The following LGR6 variants were observed in gnomAD, a reference collection of about 807,000 sequenced individuals.
LGR6 encodes leucine rich repeat containing G protein-coupled receptor 6.
LGR6 carries 45 observed loss-of-function variants against 69.4 expected under a neutral mutation model. The observed-to-expected ratio is 0.65, with a 90% CI of 0.51 to 0.83. The LOEUF (loss-of-function observed/expected upper bound fraction) is 0.83. Among genes scored for constraint, LGR6 ranks in the 40% least tolerant of loss-of-function variants. The pLI is 0.00. For missense variants in LGR6, 1,108 were observed against 1,246.7 expected (o/e 0.89, Z 1.68); for synonymous variants, 538 against 555.0 (o/e 0.97, Z 0.43).
At position 202,319,173 on chromosome 1, in the gene LGR6, A is replaced by G. The variant is rs144509913; in HGVS notation, c.2870A>G (p.Gln957Arg). The G allele has an allele frequency of 3.1e-6, 5 of 1,611,990 alleles. No homozygotes were observed. The African/African-American group carries it at 5.3e-5, about 17-fold the overall frequency. ...GGGLSGGGGF[Q>R]PSGLAFASHV ...GGCTTGTCAGGGGGTGGCGGCTTTC[A>G]GCCCTCTGGCTTGGCCTTTGCTTCA... Residue 957 changes from glutamine (Q) to arginine (R), a missense_variant, in exon 18 of 18, where the codon CAG (glutamine) becomes CGG (arginine). Physicochemically the swap from Gln to Arg is conservative, Grantham distance 43. Transcript: ENST00000367278.
At chr1:202,297,284 C>G (rs373702504) in intron 6 of LGR6, among the ~76,000 whole-genome samples, 2 of 152,346 alleles carry the variant, frequency 1.3e-5, no homozygotes, top group East Asian at 3.9e-4. Flanking sequence ...TGTCTCCCCC[C>G]TCAGAACAGT....
At chr1:202,245,351 T>C (rs1472710800) in intron 4 of LGR6, among the ~76,000 whole-genome samples, 1 of 152,030 alleles carries the variant, frequency 6.6e-6, no homozygotes, top group Admixed American at 6.5e-5. Flanking sequence ...GGTCTGAACA[T>C]GGGTAATTTG....
In LGR6 at chr1:202,318,614, A is replaced by G. The variant is rs1572035128; in HGVS notation, c.2311A>G (p.Met771Val). 4.3e-6 allele frequency: 7 copies of G among 1,613,980 alleles called. No homozygotes were observed. The South Asian group carries it at 4.4e-5, about 10-fold the overall frequency. Residue 771 changes from methionine (M) to valine (V), a missense_variant, in exon 18 of 18, where the codon ATG becomes GTG. Transcript: ENST00000367278. Reference sequence around the variant, plus strand: ...CTTTGAGGCCGTGTGGGACTGCGCCATGGTGAGGCACGTGGCCTGGCTCAT... The same window carrying G: ...CTTTGAGGCCGTGTGGGACTGCGCCGTGGTGAGGCACGTGGCCTGGCTCAT... ...GDFEAVWDCA[M>V]VRHVAWLIFA...
At chr1:202,230,672 G>A (rs1415576479) in intron 3 of LGR6, among the ~76,000 whole-genome samples, 4 of 152,226 alleles carry the variant, frequency 2.6e-5, no homozygotes, top group African/African-American at 9.6e-5. Context: ...GGCTTCTCCA[G>A]TCTTTATCTC....
intron 6 of LGR6, chr1:202,281,162 T>G (rs1363196974): frequency 5.7e-6 from 2 of 352,518 alleles, no homozygotes; most frequent in African/African-American, 4.3e-5. Context: ...AAATGGGAAC[T>G]GCAAGAAGCT....
intron 4 of LGR6, among the ~76,000 whole-genome samples, chr1:202,238,580 C>T (rs750261652): frequency 2.8e-4 from 42 of 151,864 alleles, no homozygotes; most frequent in African/African-American, 9.4e-4. Context: ...TGGGCTACCA[C>T]GCCCGTCTAA....
In LGR6 at chr1:202,310,425, T is replaced by TG; in HGVS notation, c.1567+73dup. On this transcript the variant is annotated intron_variant, in intron 16 of 17. Transcript: ENST00000367278. ...TGGAGAGGAAGTTAGAGGGGATGCTTGGGGGACCTGAGAGGGAATCTGACA... is the reference window on the plus strand; with the variant it reads ...TGGAGAGGAAGTTAGAGGGGATGCTTGGGGGGACCTGAGAGGGAATCTGACA... 3.4e-6 allele frequency: 5 copies of TG among 1,481,346 alleles called. No homozygotes were observed. In the South Asian group the frequency reaches 6.0e-5, roughly 18 times the overall value. The allele number at this position is 1,481,346 out of a possible 1,614,324, so 91.8% of individuals were successfully genotyped here.
intron 1 of LGR6, among the ~76,000 whole-genome samples, chr1:202,202,787 C>T (rs1658883173): frequency 6.6e-6 from 1 of 152,212 alleles, no homozygotes; most frequent in Non-Finnish European, 1.5e-5. Flanking sequence ...GAATGAGACC[C>T]AGAGGGTCGG....
intron 1 of LGR6, among the ~76,000 whole-genome samples, chr1:202,206,104 G>C (rs1017078173): frequency 6.6e-6 from 1 of 152,276 alleles, no homozygotes; most frequent in African/African-American, 2.4e-5. Flanking sequence ...GGGCAACCCA[G>C]GGTTGGGAGT....
chr1:202,234,632 T>C (rs1469434138), intron 3 of LGR6, among the ~76,000 whole-genome samples: 1 of 152,200 alleles, frequency 6.6e-6, no homozygotes, highest in African/African-American at 2.4e-5. Flanking sequence ...CTCTGTCAGT[T>C]AGCAGTTGTG....
intron 1 of LGR6, among the ~76,000 whole-genome samples, chr1:202,208,497 T>C (rs1659340863): frequency 6.6e-6 from 1 of 151,906 alleles, no homozygotes; most frequent in Non-Finnish European, 1.5e-5. Context: ...TTTGCAGTGT[T>C]CACTCCGTGA....
At chr1:202,204,449 ACACACACACACCTC>A (rs1658977719) in intron 1 of LGR6, among the ~76,000 whole-genome samples, 2 of 34,046 alleles carry the variant, frequency 5.9e-5, no homozygotes, top group African/African-American at 1.8e-4. Context: ...ACACACCTCC[ACACACACACACCTC>A]CACACACACA....
intron 1 of LGR6, among the ~76,000 whole-genome samples, chr1:202,205,900 A>AAC (rs200390727): frequency 6.5e-5 from 9 of 137,582 alleles, no homozygotes; most frequent in South Asian, 2.4e-4. Flanking sequence ...ACACACACCT[A>AAC]ACACACACAC....
chr1:202,220,143 G>A (rs535269285), intron 1 of LGR6, among the ~76,000 whole-genome samples: 67 of 152,036 alleles, frequency 4.4e-4, no homozygotes, highest in Non-Finnish European at 7.1e-4. Flanking sequence ...GCCTCTCAAC[G>A]TGCTGGGATT....
In LGR6 at chr1:202,307,049, A is replaced by T. The variant is rs570377909; in HGVS notation, c.1208+110A>T. Reference sequence around the variant, plus strand: ...CAATTTAAGCAAATGTGACATGCACATCGCCTCCCAGCTCCACAGCCCCCA... The same window carrying T: ...CAATTTAAGCAAATGTGACATGCACTTCGCCTCCCAGCTCCACAGCCCCCA... On this transcript the variant is annotated intron_variant, in intron 13 of 17. Transcript: ENST00000367278. 4.3e-6 allele frequency: 4 copies of T among 937,292 alleles called. No individual in the cohort carries two copies. The East Asian group carries it at 1.0e-4, about 24-fold the overall frequency. The allele number at this position is 937,292 out of a possible 1,614,324, so 58.1% of individuals were successfully genotyped here. A position where few individuals can be genotyped will look rare whatever the true frequency, so the allele number is the denominator to read the frequency against.
chr1:202,274,003 G>A (rs1002970811), intron 4 of LGR6, among the ~76,000 whole-genome samples: 2 of 152,180 alleles, frequency 1.3e-5, no homozygotes, highest in African/African-American at 4.8e-5. Context: ...CTGCTCCCAT[G>A]GAAAGGGCCT....
intron 1 of LGR6, chr1:202,203,934 G>T: frequency 8.2e-7 from 1 of 1,215,156 alleles, no homozygotes; most frequent in Non-Finnish European, 1.2e-6. Flanking sequence ...GAGGGGGTGC[G>T]ATTTTATTTC....
At chr1:202,230,887 C>T (rs1482850626) in intron 3 of LGR6, among the ~76,000 whole-genome samples, 3 of 152,198 alleles carry the variant, frequency 2.0e-5, no homozygotes, top group African/African-American at 4.8e-5. Context: ...AGGCCCAGAT[C>T]TGGGAAACTG....
chr1:202,197,085 G>A lies in LGR6; in HGVS notation c.212+2884G>A, dbSNP rs148742670. The stretch of plus-strand genomic sequence containing the variant: ...AGAAGCCATAGACAGAACTATAGGA[G>A]GCGCCCAGGAGCTATGGGCTCCAGA... On this transcript the variant is annotated intron_variant, in intron 1 of 17. Coordinates refer to ENST00000367278, the MANE Select transcript of LGR6 (RefSeq NM_001017403.2). 1.9e-4 allele frequency: 102 copies of A among 533,220 alleles called. 2 individuals are homozygous for A. The East Asian group carries it at 5.2e-3, about 27-fold the overall frequency. The allele number at this position is 533,220 out of a possible 1,614,324, so 33.0% of individuals were successfully genotyped here.
Sources: allele counts gnomAD v4.1 joint callset (sites outside exome capture counted in the v4.1 genomes callset), GRCh38; gene constraint gnomAD v4.1.1; transcripts MANE v1.5; gene names NCBI Gene and HGNC (gene_info 2026-07-23, HGNC 2026-07-21).